The following ASTN1 variants were observed in gnomAD, a reference collection of about 807,000 sequenced individuals.
ASTN1 encodes the protein astrotactin-1.
ASTN1 carries 41 observed loss-of-function variants against 140.7 expected under a neutral mutation model. The observed-to-expected ratio is 0.29, with a 90% confidence interval of 0.23 to 0.38. ASTN1 has a LOEUF of 0.38. ASTN1 is among the 10% of genes least tolerant of loss of function. The pLI, the probability that ASTN1 is intolerant of heterozygous loss-of-function variation, is 1.00. For missense variants in ASTN1, 1,479 were observed against 1,678.8 expected (o/e 0.88, Z 2.08); for synonymous variants, 640 against 652.2 (o/e 0.98, Z 0.29).
At chr1:177,009,768 G>C (rs1158860947) in intron 8 of ASTN1, among the ~76,000 whole-genome samples, 1 of 152,200 alleles carries the variant, frequency 6.6e-6, no homozygotes, top group Non-Finnish European at 1.5e-5. Flanking sequence ...CCTGACAACA[G>C]CTTCTAACAC....
At position 176,958,400 on chromosome 1, in the gene ASTN1, G is replaced by T; in HGVS notation, c.1681C>A (p.Pro561Thr). 6.2e-7 allele frequency: 1 copy of T among 1,614,130 alleles called. No homozygotes were observed. Residue 561 changes from proline (P) to threonine (T), a missense_variant, in exon 10 of 23, where the codon CCA becomes ACA. Physicochemically the swap from Pro to Thr is conservative, Grantham distance 38 (BLOSUM62 -1). Around this residue, in one of 3 missense-constraint regions of ASTN1, gnomAD observed 729 missense variants for 860.4 expected, o/e 0.85. Coordinates refer to ENST00000361833, the MANE Select transcript of ASTN1 (RefSeq NM_004319.3). ...ATGTCCGTCTTGCACTTTGCTGATG[G>T]ATTGATGGCCAGTTCGGCTGGTGGA... ...VIPPAELAIN[P>T]SAKCKTDMTV... is the part of the protein sequence containing the mutation.
intron 5 of ASTN1, among the ~76,000 whole-genome samples, chr1:177,026,522 T>C: frequency 6.6e-6 from 1 of 152,178 alleles, no homozygotes; most frequent in Non-Finnish European, 1.5e-5. Context: ...TAGGGTATGT[T>C]CCCAGCAGTG....
At chr1:176,942,914 C>T (rs1284515614) in intron 14 of ASTN1, among the ~76,000 whole-genome samples, 1 of 138,026 alleles carries the variant, frequency 7.2e-6, no homozygotes, top group Non-Finnish European at 1.5e-5. Context: ...AAGCTGTGCC[C>T]TTACCACCTT....
intron 4 of ASTN1, 96 bp from the exon 5 acceptor site, chr1:177,029,837 G>C: frequency 5.1e-6 from 6 of 1,169,886 alleles, no homozygotes. Flanking sequence ...CAACAAAAAT[G>C]AAAGTAAGCT....
chr1:177,019,521 G>A (rs1675714254), intron 7 of ASTN1, among the ~76,000 whole-genome samples: 1 of 152,218 alleles, frequency 6.6e-6, no homozygotes, highest in South Asian at 2.1e-4. Context: ...ACAGTGCTCA[G>A]CAGAAGATTG....
At chr1:176,897,591 C>G (rs1175007742) in intron 16 of ASTN1, among the ~76,000 whole-genome samples, 1 of 152,032 alleles carries the variant, frequency 6.6e-6, no homozygotes, top group African/African-American at 2.4e-5. Context: ...GGATAAATCT[C>G]ACTTTGGCAC....
Position 177,005,692 on chromosome 1 carries a change from T to G in ASTN1, c.1523+9099A>C, listed in dbSNP as rs539394707. On this transcript the variant is annotated intron_variant, in intron 8 of 22. Coordinates refer to ENST00000361833, the MANE Select transcript of ASTN1 (RefSeq NM_004319.3). ...AAATGTGTGTGTGTGTATAGTAGTG[T>G]TCCATGGTGTGTATGTGTATGTGTG... Among the ~76,000 whole-genome samples, 292 of 152,318 alleles carry G rather than the reference T, an allele frequency of 1.9e-3. 2 individuals are homozygous for G. Among genetic ancestry groups the G allele is most frequent in the Non-Finnish European group, 3.5e-3 (237 of 68,024 alleles).
At chr1:176,932,768 GGA>G (rs1286686969) in intron 16 of ASTN1, among the ~76,000 whole-genome samples, 4 of 152,180 alleles carry the variant, frequency 2.6e-5, no homozygotes, top group Non-Finnish European at 5.9e-5. Context: ...GCATTGCTTG[GGA>G]GAGAGGCAAG....
At chr1:176,956,907 T>A (rs1198133157) in intron 11 of ASTN1, among the ~76,000 whole-genome samples, 6 of 147,982 alleles carry the variant, frequency 4.1e-5, no homozygotes, top group African/African-American at 1.5e-4. Flanking sequence ...AGTATCACAT[T>A]TTTTTTAAGA....
At chr1:176,979,824 G>A (rs2101878483) in intron 8 of ASTN1, among the ~76,000 whole-genome samples, 1 of 152,288 alleles carries the variant, frequency 6.6e-6, no homozygotes, top group African/African-American at 2.4e-5. Context: ...GTATGTGTGT[G>A]TATGAGAGTT....
At chr1:176,991,020 C>T (rs551909989) in intron 8 of ASTN1, among the ~76,000 whole-genome samples, 2 of 152,166 alleles carry the variant, frequency 1.3e-5, no homozygotes, top group African/African-American at 4.8e-5. Context: ...AAGCCAATCC[C>T]TTTGCCCTCA....
chr1:176,896,909 T>C (rs572073563), intron 16 of ASTN1, among the ~76,000 whole-genome samples: 11 of 152,174 alleles, frequency 7.2e-5, no homozygotes, highest in African/African-American at 2.6e-4. Flanking sequence ...AGCTGTTTCA[T>C]GCAATGTATG....
At chr1:176,891,111 G>T (rs1381922657) in intron 17 of ASTN1, among the ~76,000 whole-genome samples, 1 of 152,156 alleles carries the variant, frequency 6.6e-6, no homozygotes, top group Non-Finnish European at 1.5e-5. Context: ...TGTTGGATGA[G>T]GATAGAAGAG....
Position 176,884,441 on chromosome 1 carries a change from C to T in ASTN1, c.3124G>A (p.Glu1042Lys), listed in dbSNP as rs765882689. 2.5e-6 allele frequency: 4 copies of T among 1,613,988 alleles called. No individual in the cohort carries two copies. The highest frequency in any genetic ancestry group is 3.4e-6 in the Non-Finnish European group (4 of 1,180,006). Reference sequence around the variant, plus strand: ...ATTGGTGGCTCTGAGTGTTCCCACTCCAGGACCACAAGAGTGCTGCTGGGC... The same window carrying T: ...ATTGGTGGCTCTGAGTGTTCCCACTTCAGGACCACAAGAGTGCTGCTGGGC... ...HEPSSTLVVL[E>K]WEHSEPPIGV... Residue 1042 changes from glutamate to lysine, a missense_variant, in exon 19 of 23, where the codon GAG becomes AAG. This residue lies in a region of ASTN1 where 746 missense variants were observed against 800.9 expected (regional missense o/e 0.93). Transcript: ENST00000361833.
chr1:177,000,637 G>T (rs1411932686), intron 8 of ASTN1, among the ~76,000 whole-genome samples: 1 of 152,194 alleles, frequency 6.6e-6, no homozygotes, highest in Middle Eastern at 3.2e-3. Flanking sequence ...ATATATGGCA[G>T]CAGTCCTGAG....
intron 5 of ASTN1, 26 bp from the exon 6 acceptor site, chr1:177,024,758 C>T (rs1043928306): frequency 6.2e-7 from 1 of 1,602,762 alleles, no homozygotes; most frequent in Non-Finnish European, 8.5e-7. Context: ...AAGCAAGATA[C>T]ATGGTGGTAA....
At chr1:177,019,421 A>G (rs1457015240) in intron 7 of ASTN1, among the ~76,000 whole-genome samples, 1 of 152,214 alleles carries the variant, frequency 6.6e-6, no homozygotes, top group Non-Finnish European at 1.5e-5. Flanking sequence ...TGTCAATGCA[A>G]TGAACCTAAT....
intron 12 of ASTN1, among the ~76,000 whole-genome samples, chr1:176,946,732 G>T (rs1289958236): frequency 1.3e-5 from 2 of 152,130 alleles, no homozygotes; most frequent in Non-Finnish European, 2.9e-5. Flanking sequence ...AGACCCTAGG[G>T]CACACAGTGT....
chr1:176,913,034 A>G (rs1670318628), intron 16 of ASTN1, among the ~76,000 whole-genome samples: 1 of 152,228 alleles, frequency 6.6e-6, no homozygotes, highest in Non-Finnish European at 1.5e-5. Flanking sequence ...GGTAACAGGT[A>G]TGCTTGAAGA....
Sources: allele counts gnomAD v4.1 joint callset (sites outside exome capture counted in the v4.1 genomes callset), GRCh38; gene constraint gnomAD v4.1.1; regional missense constraint gnomAD v4.1.1; transcripts MANE v1.5; gene names NCBI Gene and HGNC (gene_info 2026-07-23, HGNC 2026-07-21).